DNAH5: variants seen among roughly 807,000 people sequenced by gnomAD.
The protein encoded by DNAH5 is dynein axonemal heavy chain 5.
DNAH5 carries 372 observed loss-of-function variants against 518.2 expected under a neutral mutation model. That is an observed-to-expected ratio of 0.72 (90% CI 0.66 to 0.78). The LOEUF is 0.78. DNAH5 is among the 30% of genes least tolerant of loss of function. The probability of loss-of-function intolerance (pLI) is 0.00; values close to 1 mark genes in which losing one functional copy is unlikely to be tolerated. For missense variants in DNAH5, 5,523 were observed against 5,687.0 expected (o/e 0.97, Z 0.93); for synonymous variants, 2,039 against 2,025.9 (o/e 1.01, Z -0.17).
intron 2 of DNAH5, among the ~76,000 whole-genome samples, chr5:13,930,116 T>C (rs1778275149): frequency 6.6e-6 from 1 of 152,048 alleles, no homozygotes; most frequent in African/African-American, 2.4e-5. Flanking sequence ...CATCCTGTAG[T>C]TTACCCATTT....
At chr5:13,779,066 T>C (rs182915202) in intron 53 of DNAH5, among the ~76,000 whole-genome samples, 27 of 152,330 alleles carry the variant, frequency 1.8e-4, no homozygotes, top group African/African-American at 6.3e-4. Context: ...AGCTGCAAGA[T>C]GGGCTACTGC....
At chr5:13,888,579 C>A (rs999595658) in intron 17 of DNAH5, among the ~76,000 whole-genome samples, 3 of 152,108 alleles carry the variant, frequency 2.0e-5, no homozygotes, top group Non-Finnish European at 4.4e-5. Context: ...TTTACTAATA[C>A]CTATATTGGT....
rs1033384998 is a variant in DNAH5, at chr5:13,810,515, C to T, written c.7408-255G>A. 6.9e-5 allele frequency: 30 copies of T among 435,902 alleles called. 1 individual carries two copies. The highest frequency in any genetic ancestry group is 8.0e-5 in the Admixed American group (2 of 25,102). 27.0% of individuals were successfully genotyped at this position (435,902 alleles called of 1,614,324 possible). On this transcript the variant is annotated intron_variant, in intron 44 of 78. Transcript: ENST00000265104. ...CACCACTTTGGGAGGCCGAGGCGGG[C>T]GGATCATGAGGTCAGGAGCTCGAGA...
At chr5:13,966,110 C>T (rs1377078611) in intron 1 of DNAH5, among the ~76,000 whole-genome samples, 2 of 152,068 alleles carry the variant, frequency 1.3e-5, no homozygotes, top group African/African-American at 4.8e-5. Flanking sequence ...TGAGTTACTT[C>T]ACTCTACATG....
chr5:13,916,316 A>C, intron 9 of DNAH5, 32 bp downstream of exon 9: 1 of 1,218,132 alleles, frequency 8.2e-7, no homozygotes, highest in South Asian at 1.2e-5. Context: ...AAAGAAATAC[A>C]AATGAACATG....
chr5:13,991,239 A>G (rs534325446), intron 1 of DNAH5, among the ~76,000 whole-genome samples: 16 of 152,340 alleles, frequency 1.1e-4, no homozygotes, highest in African/African-American at 3.8e-4. Flanking sequence ...GTTAGTCTGC[A>G]CTATTTAAAA....
chr5:13,807,164 C>T (rs763407770), intron 47 of DNAH5, among the ~76,000 whole-genome samples: 4 of 152,082 alleles, frequency 2.6e-5, no homozygotes, highest in Non-Finnish European at 5.9e-5. Context: ...CTGTAACAGC[C>T]TTTGAGACCT....
intron 19 of DNAH5, among the ~76,000 whole-genome samples, chr5:13,884,387 C>G (rs998287803): frequency 6.6e-6 from 1 of 152,156 alleles, no homozygotes; most frequent in Non-Finnish European, 1.5e-5. Flanking sequence ...TACCAATTTT[C>G]ATGTTATTAA....
At position 13,810,202 on chromosome 5, in the gene DNAH5, A is replaced by T. The variant is rs1319099706; in HGVS notation, c.7466T>A (p.Leu2489Gln). 6.5e-7 allele frequency: 1 copy of T among 1,550,360 alleles called. No homozygotes were observed. The change falls in exon 45 of 79, where the codon CTG becomes CAG. Residue 2489 changes from leucine (L) to glutamine (Q), a missense_variant. Physicochemically the swap from Leu to Gln is moderately radical, Grantham distance 113 (BLOSUM62 -2). This residue lies in a region of DNAH5 where 5,121 missense variants were observed against 5,223.3 expected (regional missense o/e 0.98). Coordinates refer to ENST00000265104, the MANE Select transcript of DNAH5 (RefSeq NM_001369.3). ...HLGRLFVFAL[L>Q]WSAGAALELD... ...CTCCAGCGCCGCCCCCGCGCTCCACAGCAGCGCGAACACGAACAGCCGCCC... is the reference window on the plus strand; with the variant it reads ...CTCCAGCGCCGCCCCCGCGCTCCACTGCAGCGCGAACACGAACAGCCGCCC...
intron 1 of DNAH5, among the ~76,000 whole-genome samples, chr5:13,955,446 C>A (rs1581035935): frequency 6.6e-6 from 1 of 152,018 alleles, no homozygotes; most frequent in East Asian, 1.9e-4. Context: ...GTTTCACTGC[C>A]AAACAAAGAA....
At chr5:13,788,573 T>C (rs774092897) in intron 51 of DNAH5, 143 bp downstream of exon 51, 15 of 705,584 alleles carry the variant, frequency 2.1e-5, no homozygotes, top group East Asian at 5.3e-5. Context: ...CCTAGTTTTA[T>C]TGAGCATCTA....
intron 32 of DNAH5, 43 bp downstream of exon 32, chr5:13,844,794 G>A (rs941702175): frequency 9.9e-6 from 16 of 1,613,192 alleles, no homozygotes; most frequent in Non-Finnish European, 1.4e-5. Flanking sequence ...GTTGAGGTTC[G>A]AAGGTACGGT....
chr5:13,769,278 C>T (rs547669170), intron 57 of DNAH5, 142 bp from the exon 58 acceptor site: 30 of 916,754 alleles, frequency 3.3e-5, no homozygotes, highest in Middle Eastern at 2.9e-4. Flanking sequence ...GATGGAGTCT[C>T]GCTCTGTCGC....
chr5:13,979,842 GTTT>G (rs397883750), intron 1 of DNAH5, among the ~76,000 whole-genome samples: 1 of 135,818 alleles, frequency 7.4e-6, no homozygotes, highest in Non-Finnish European at 1.6e-5. Flanking sequence ...GTTTTTTGGG[GTTT>G]TTTTTTTTTT....
At chr5:13,838,131 G>A (rs991561993) in intron 35 of DNAH5, among the ~76,000 whole-genome samples, 7 of 152,292 alleles carry the variant, frequency 4.6e-5, no homozygotes, top group African/African-American at 1.4e-4. Context: ...ACAATAATGA[G>A]CATTCAGTGC....
chr5:13,743,605 T>A (rs1463978398), intron 65 of DNAH5, among the ~76,000 whole-genome samples: 1 of 146,708 alleles, frequency 6.8e-6, no homozygotes, highest in Non-Finnish European at 1.5e-5. Context: ...TACAAGGAAC[T>A]CAAACATCTC....
At position 13,867,714 on chromosome 5, in the gene DNAH5, A is replaced by G. The variant is rs375506585; in HGVS notation, c.4053+60T>C. On this transcript the variant is annotated intron_variant, in intron 25 of 78. Transcript: ENST00000265104. Reference sequence around the variant, plus strand: ...TTACCCATAATTTTTAGACAACTACATTTTGCATGTTGTATTCACTCATCC... The same window carrying G: ...TTACCCATAATTTTTAGACAACTACGTTTTGCATGTTGTATTCACTCATCC... The G allele has an allele frequency of 1.0e-5, 13 of 1,297,570 alleles. No individual in the cohort carries two copies. In the African/African-American group the frequency reaches 1.2e-4, roughly 12 times the overall value. 80.4% of individuals were successfully genotyped at this position (1,297,570 alleles called of 1,614,324 possible). A position where few individuals can be genotyped will look rare whatever the true frequency, so the allele number is the denominator to read the frequency against.
intron 59 of DNAH5, among the ~76,000 whole-genome samples, chr5:13,763,480 T>A (rs1280594444): frequency 1.3e-5 from 2 of 152,224 alleles, no homozygotes; most frequent in Non-Finnish European, 2.9e-5. Context: ...AGAATTATTA[T>A]CTTCTGGTGG....
At chr5:13,767,968 T>TA (rs1355531945) in intron 58 of DNAH5, among the ~76,000 whole-genome samples, 1 of 152,232 alleles carries the variant, frequency 6.6e-6, no homozygotes, top group African/African-American at 2.4e-5. Flanking sequence ...GTCAAAATGT[T>TA]AAGAGTTTGT....
Sources: gnomAD v4.1 joint callset for allele counts (sites outside exome capture counted in the v4.1 genomes callset) on GRCh38, gnomAD v4.1.1 for gene constraint, gnomAD v4.1.1 regional missense constraint, MANE v1.5 for transcripts, NCBI Gene and HGNC (gene_info 2026-07-23, HGNC 2026-07-21) for gene names.